LHFPL7: variants seen among roughly 807,000 people sequenced by gnomAD.
LHFPL7 encodes the protein LHFPL tetraspan subfamily member 7.
the LHFPL7 span, among the ~76,000 whole-genome samples, chr22:24,945,664 T>C: frequency 1.3e-5 from 2 of 152,140 alleles, no homozygotes; most frequent in East Asian, 1.9e-4. Context: ...AATCGATATA[T>C]ACAGGCTTGA....
chr22:24,937,449 C>A, the LHFPL7 span, among the ~76,000 whole-genome samples: 2 of 152,104 alleles, frequency 1.3e-5, no homozygotes, highest in East Asian at 3.8e-4. Context: ...TCATAGGCTA[C>A]GGTAAGAAGT....
the LHFPL7 span, among the ~76,000 whole-genome samples, chr22:24,945,236 A>G: frequency 0.64 from 96,707 of 152,062 alleles, 32,359 homozygotes; most frequent in African/African-American, 0.86. Context: ...TAGGGAGTCT[A>G]TGGCTGGTCT....
At chr22:24,938,563 A>G in the LHFPL7 span, among the ~76,000 whole-genome samples, 1 of 152,272 alleles carries the variant, frequency 6.6e-6, no homozygotes, top group Non-Finnish European at 1.5e-5. Context: ...GCCTCAGAAC[A>G]CATGGGTAAT....
the LHFPL7 span, among the ~76,000 whole-genome samples, chr22:24,943,858 G>C: frequency 2.6e-5 from 4 of 152,162 alleles, no homozygotes; most frequent in Non-Finnish European, 5.9e-5. Flanking sequence ...GGGACTGGGA[G>C]TTTAGAGGTA....
the LHFPL7 span, among the ~76,000 whole-genome samples, chr22:24,937,270 G>A: frequency 0.026 from 3,958 of 152,322 alleles, 127 homozygotes; most frequent in East Asian, 0.084. Flanking sequence ...GTAATGAAGT[G>A]AGTAGCAAGA....
the LHFPL7 span, among the ~76,000 whole-genome samples, chr22:24,943,356 A>G: frequency 6.6e-6 from 1 of 152,208 alleles, no homozygotes; most frequent in East Asian, 1.9e-4. Flanking sequence ...ATGAGGCATT[A>G]TAACCCGAAA....
At chr22:24,944,756 T>A in the LHFPL7 span, among the ~76,000 whole-genome samples, 1 of 139,068 alleles carries the variant, frequency 7.2e-6, no homozygotes, top group African/African-American at 3.1e-5. Flanking sequence ...TTATTTATTT[T>A]GGTAGAGATG....
chr22:24,936,667 CCCTTTTTT>C, the LHFPL7 span, among the ~76,000 whole-genome samples: 1 of 152,178 alleles, frequency 6.6e-6, no homozygotes, highest in South Asian at 2.1e-4. Context: ...ATGCCTTGCT[CCCTTTTTT>C]CCATGCCTTT....
the LHFPL7 span, chr22:24,939,377 C>T: frequency 2.8e-6 from 2 of 702,992 alleles, no homozygotes; most frequent in Non-Finnish European, 5.2e-6. Context: ...AACTGAAGGT[C>T]ACGCAGCTCT....
the LHFPL7 span, among the ~76,000 whole-genome samples, chr22:24,937,045 A>T: frequency 6.6e-6 from 1 of 152,228 alleles, no homozygotes; most frequent in African/African-American, 2.4e-5. Context: ...GCTGGTGATA[A>T]CCAGGCAGAC....
chr22:24,940,675 C>CCT, the LHFPL7 span, among the ~76,000 whole-genome samples: 34 of 17,866 alleles, frequency 1.9e-3, no homozygotes, highest in Non-Finnish European at 3.3e-3. Context: ...CCTTCCTTCC[C>CCT]TCCTTCCTTC....
chr22:24,940,144 T>C, the LHFPL7 span, among the ~76,000 whole-genome samples: 1 of 149,672 alleles, frequency 6.7e-6, no homozygotes, highest in East Asian at 2.1e-4. Context: ...GCCAGGATGA[T>C]CTCGATCTCC....
the LHFPL7 span, among the ~76,000 whole-genome samples, chr22:24,941,598 ATTTG>A: frequency 1.8e-4 from 17 of 93,704 alleles, no homozygotes; most frequent in African/African-American, 6.2e-4. Flanking sequence ...TTTTGCGTAT[ATTTG>A]TTTTTTTTTT....
chr22:24,939,574 T>G, the LHFPL7 span: 1 of 701,810 alleles, frequency 1.4e-6, no homozygotes, highest in East Asian at 2.7e-5. Flanking sequence ...CAGGGAAGAT[T>G]ACTAATGGAG....
chr22:24,942,816 T>C, the LHFPL7 span, among the ~76,000 whole-genome samples: 1 of 152,018 alleles, frequency 6.6e-6, no homozygotes, highest in South Asian at 2.1e-4. Context: ...CCTTCCCATC[T>C]ATAGGAGTTT....
the LHFPL7 span, among the ~76,000 whole-genome samples, chr22:24,943,952 C>T: frequency 1.3e-5 from 2 of 152,160 alleles, no homozygotes; most frequent in Admixed American, 6.5e-5. Context: ...AGGGGTTGAT[C>T]AATCATTCAT....
the LHFPL7 span, chr22:24,935,485 C>A: frequency 6.2e-7 from 1 of 1,613,766 alleles, no homozygotes; most frequent in Admixed American, 1.7e-5. Flanking sequence ...TAACCCCAAC[C>A]CAGCCGGCAC....
the LHFPL7 span, chr22:24,946,654 T>C: frequency 1.3e-5 from 2 of 152,192 alleles, no homozygotes; most frequent in Non-Finnish European, 2.9e-5. Flanking sequence ...CTTATACAAT[T>C]CTCCTCTCCT....
At chr22:24,944,359 T>C in the LHFPL7 span, among the ~76,000 whole-genome samples, 6 of 152,032 alleles carry the variant, frequency 3.9e-5, no homozygotes, top group South Asian at 6.2e-4. Flanking sequence ...GGGATAGTCA[T>C]GGAAAGCCCC....
Sources: allele counts gnomAD v4.1 joint callset (sites outside exome capture counted in the v4.1 genomes callset), GRCh38; gene constraint gnomAD v4.1.1; transcripts MANE v1.5; gene names NCBI Gene and HGNC (gene_info 2026-07-23, HGNC 2026-07-21).